Variants in B3GALT1 observed in about 807,000 individuals in gnomAD.
The protein encoded by B3GALT1 is UDP-Gal:betaGlcNAc beta 1,3-galactosyltransferase, polypeptide 1.
In B3GALT1, 10 loss-of-function variants were observed where a neutral mutation model predicts 23.2. The ratio of observed to expected loss-of-function variants is 0.43; its 90% CI spans 0.27 to 0.73. The LOEUF (loss-of-function observed/expected upper bound fraction) is 0.73, where lower values mean the gene tolerates loss of function less well. Ranked by LOEUF, B3GALT1 falls within the 30% of genes least tolerant of loss-of-function variation. The probability of loss-of-function intolerance (pLI) is 0.21; values close to 1 mark genes in which losing one functional copy is unlikely to be tolerated. For synonymous variants in B3GALT1, 156 were observed against 141.5 expected (o/e 1.10, Z -0.73); for missense variants, 299 against 405.4 (o/e 0.74, Z 2.25).
At chr2:167,298,815 G>C (rs954073273) in intron 1 of B3GALT1, among the ~76,000 whole-genome samples, 1 of 151,320 alleles carries the variant, frequency 6.6e-6, no homozygotes, top group Admixed American at 6.6e-5. Flanking sequence ...GAATGTTCTA[G>C]AATGAGAAAA....
At chr2:167,453,075 A>G (rs777830550) in intron 1 of B3GALT1, among the ~76,000 whole-genome samples, 2 of 152,194 alleles carry the variant, frequency 1.3e-5, no homozygotes, top group Non-Finnish European at 2.9e-5. Flanking sequence ...CACATTCTCA[A>G]TCCTGAAGAG....
rs1553463225 is a variant in B3GALT1 at position 167,512,546 on chromosome 2, G to GTATATATGTA, written c.-410+22276_-410+22277insGTATATATAT. Among the ~76,000 whole-genome samples the GTATATATGTA allele has an allele frequency of 2.5e-5, 2 of 80,220 alleles. 1 individual carries two copies. Among genetic ancestry groups the GTATATATGTA allele is most frequent in the African/African-American group, 1.1e-4 (2 of 18,218 alleles). The allele number at this position is 80,220 out of a possible 152,430, so 52.6% of individuals were successfully genotyped here. A position where few individuals can be genotyped will look rare whatever the true frequency, so the allele number is the denominator to read the frequency against. The stretch of plus-strand genomic sequence containing the variant: ...TATATGTGTGTGTGTATATATATAT[G>GTATATATGTA]TATATATATGTATATATATATGTAT... On this transcript the variant is annotated intron_variant, in intron 2 of 4. Transcript: ENST00000392690.
At chr2:167,476,626 A>G (rs948741206) in intron 1 of B3GALT1, among the ~76,000 whole-genome samples, 1 of 152,192 alleles carries the variant, frequency 6.6e-6, no homozygotes, top group Admixed American at 6.6e-5. Context: ...AACATCCTGT[A>G]TTGAATCTGT....
intron 3 of B3GALT1, among the ~76,000 whole-genome samples, chr2:167,649,839 T>G (rs1446279830): frequency 6.6e-6 from 1 of 152,092 alleles, no homozygotes; most frequent in African/African-American, 2.4e-5. Flanking sequence ...CTTTAGGATT[T>G]TCTATAGATA....
intron 2 of B3GALT1, among the ~76,000 whole-genome samples, chr2:167,563,316 G>A (rs181763887): frequency 0.04 from 5,226 of 130,166 alleles, 275 homozygotes; most frequent in African/African-American, 0.13. Context: ...GGGCAGAGGC[G>A]CCCCTCACTT....
intron 1 of B3GALT1, among the ~76,000 whole-genome samples, chr2:167,489,698 T>G (rs1699679204): frequency 6.6e-6 from 1 of 152,088 alleles, no homozygotes. Context: ...TTAGAAAAAC[T>G]TAGGCATAGG....
In B3GALT1 at chr2:167,448,276, C is replaced by T. The variant is rs575093732; in HGVS notation, c.-510-41901C>T. Among the ~76,000 whole-genome samples the T allele has an allele frequency of 3.9e-5, 6 of 152,190 alleles. No individual in the cohort carries two copies. The South Asian group carries it at 1.2e-3, about 32-fold the overall frequency. On this transcript the variant is annotated intron_variant, in intron 1 of 4. Transcript: ENST00000392690. The stretch of plus-strand genomic sequence containing the variant: ...GTGTTTCCTTTTCACCACATCTATG[C>T]CGACATCTGTTTTTTTTAATCTTTT...
At chr2:167,799,841 A>T (rs1688606298) in intron 3 of B3GALT1, among the ~76,000 whole-genome samples, 1 of 151,936 alleles carries the variant, frequency 6.6e-6, no homozygotes, top group Admixed American at 6.6e-5. Context: ...TTAAAGGGCA[A>T]CCTAATTACT....
intron 2 of B3GALT1, among the ~76,000 whole-genome samples, chr2:167,644,639 G>A (rs999550627): frequency 6.6e-6 from 1 of 151,918 alleles, no homozygotes; most frequent in African/African-American, 2.4e-5. Flanking sequence ...AATTAGCCAG[G>A]CATGGTGGTG....
intron 1 of B3GALT1, among the ~76,000 whole-genome samples, chr2:167,419,642 T>C (rs1209026265): frequency 1.3e-5 from 2 of 152,226 alleles, no homozygotes; most frequent in African/African-American, 4.8e-5. Context: ...TCATCATTCA[T>C]ACCCAAATAA....
At chr2:167,833,454 A>C (rs1040343573) in intron 4 of B3GALT1, among the ~76,000 whole-genome samples, 3 of 152,180 alleles carry the variant, frequency 2.0e-5, no homozygotes, top group African/African-American at 7.2e-5. Context: ...AGGGAAATTC[A>C]ATTCCTTAAG....
intron 2 of B3GALT1, among the ~76,000 whole-genome samples, chr2:167,626,048 T>A (rs995137376): frequency 6.8e-6 from 1 of 146,878 alleles, no homozygotes; most frequent in African/African-American, 2.5e-5. Flanking sequence ...AAGGGAACAA[T>A]TTTCAGCTCA....
chr2:167,452,448 T>C (rs1049943237), intron 1 of B3GALT1, among the ~76,000 whole-genome samples: 1 of 152,162 alleles, frequency 6.6e-6, no homozygotes, highest in Non-Finnish European at 1.5e-5. Flanking sequence ...CAAATCCTTC[T>C]CCTGTGATCT....
chr2:167,509,188 A>G (rs1574109480), intron 2 of B3GALT1, among the ~76,000 whole-genome samples: 4 of 152,254 alleles, frequency 2.6e-5, no homozygotes, highest in African/African-American at 9.6e-5. Flanking sequence ...GTTAGCACAT[A>G]GGAAAAGAAA....
rs531683121 is a variant in B3GALT1 at position 167,731,745 on chromosome 2, A to G, written c.-352+84779A>G. 8.7e-4 allele frequency among the ~76,000 whole-genome samples: 133 copies of G among 152,336 alleles called. No homozygotes were observed. In the Middle Eastern group the frequency reaches 0.014, roughly 16 times the overall value. On this transcript the variant is annotated intron_variant, in intron 3 of 4. Coordinates refer to ENST00000392690, the MANE Select transcript of B3GALT1 (RefSeq NM_020981.4). Reference sequence around the variant, plus strand: ...AAATTAAAGGCTTCCATTGCAAGGCAGCCTCTGTTTCCTGTTCCACCGTCT... The same window carrying G: ...AAATTAAAGGCTTCCATTGCAAGGCGGCCTCTGTTTCCTGTTCCACCGTCT...
At chr2:167,801,848 A>G (rs1688643669) in intron 3 of B3GALT1, among the ~76,000 whole-genome samples, 1 of 152,176 alleles carries the variant, frequency 6.6e-6, no homozygotes, top group African/African-American at 2.4e-5. Flanking sequence ...TGTTGCATGG[A>G]ATTTGCTACA....
chr2:167,502,194 T>C (rs1261775363), intron 2 of B3GALT1, among the ~76,000 whole-genome samples: 1 of 152,114 alleles, frequency 6.6e-6, no homozygotes, highest in Non-Finnish European at 1.5e-5. Flanking sequence ...GTTATAATTA[T>C]GAGAAATGCG....
intron 1 of B3GALT1, among the ~76,000 whole-genome samples, chr2:167,333,826 G>A (rs574714440): frequency 7.9e-5 from 12 of 152,260 alleles, no homozygotes; most frequent in Middle Eastern, 3.4e-3. Flanking sequence ...AAGTTACTGA[G>A]AATGGAAGCA....
At chr2:167,777,705 G>C (rs899155804) in intron 3 of B3GALT1, among the ~76,000 whole-genome samples, 2 of 152,124 alleles carry the variant, frequency 1.3e-5, no homozygotes, top group African/African-American at 2.4e-5. Context: ...AATCCCCTGA[G>C]ACCAAATAAC....
Sources: allele counts gnomAD v4.1 joint callset (sites outside exome capture counted in the v4.1 genomes callset), GRCh38; gene constraint gnomAD v4.1.1; transcripts MANE v1.5; gene names NCBI Gene and HGNC (gene_info 2026-07-23, HGNC 2026-07-21).